The following HCRTR2 variants were observed in gnomAD, a reference collection of about 807,000 sequenced individuals.
The protein encoded by HCRTR2 is hypocretin receptor 2.
HCRTR2 carries 22 observed loss-of-function variants against 49.0 expected under a neutral mutation model. The ratio of observed to expected loss-of-function variants is 0.45; its 90% CI spans 0.32 to 0.64. The LOEUF (loss-of-function observed/expected upper bound fraction) is 0.64. HCRTR2 is among the 30% of genes least tolerant of loss of function. The pLI is 0.04. For missense variants in HCRTR2, 491 were observed against 559.4 expected (o/e 0.88, Z 1.23); for synonymous variants, 236 against 205.3 (o/e 1.15, Z -1.28).
intron 1 of HCRTR2, among the ~76,000 whole-genome samples, chr6:55,215,418 G>A (rs1265869236): frequency 1.3e-5 from 2 of 152,094 alleles, no homozygotes; most frequent in Non-Finnish European, 2.9e-5. Context: ...TGCCTTACAA[G>A]AAATGCTAAA....
At chr6:55,153,351 G>T (rs1764687738) in intron 1 of HCRTR2, among the ~76,000 whole-genome samples, 1 of 151,946 alleles carries the variant, frequency 6.6e-6, no homozygotes, top group African/African-American at 2.4e-5. Context: ...ACACACCTAG[G>T]CTATAAGGTA....
intron 1 of HCRTR2, among the ~76,000 whole-genome samples, chr6:55,158,989 G>C (rs2127261456): frequency 6.6e-6 from 1 of 152,280 alleles, no homozygotes; most frequent in South Asian, 2.1e-4. Context: ...GTGGGTCTCT[G>C]ACCCCTGTGT....
chr6:55,254,864 A>T (rs183167658), intron 2 of HCRTR2, among the ~76,000 whole-genome samples: 2 of 152,226 alleles, frequency 1.3e-5, no homozygotes, highest in East Asian at 3.9e-4. Flanking sequence ...CATATTATAA[A>T]TTAAGACATT....
At chr6:55,120,434 A>T (rs2127236980) in intron 1 of HCRTR2, among the ~76,000 whole-genome samples, 1 of 152,116 alleles carries the variant, frequency 6.6e-6, no homozygotes, top group South Asian at 2.1e-4. Flanking sequence ...TAATTCCTTG[A>T]GCAGTGGTTT....
chr6:55,208,548 G>A (rs1765644997), intron 1 of HCRTR2, among the ~76,000 whole-genome samples: 1 of 151,800 alleles, frequency 6.6e-6, no homozygotes, highest in South Asian at 2.1e-4. Flanking sequence ...CCTCACTGAT[G>A]ATTAAATTTA....
intron 1 of HCRTR2, among the ~76,000 whole-genome samples, chr6:55,131,357 T>C (rs1764352834): frequency 6.6e-6 from 1 of 151,840 alleles, no homozygotes; most frequent in Non-Finnish European, 1.5e-5. Flanking sequence ...AAAACATTTA[T>C]TTCAAACATT....
chr6:55,259,307 T>G (rs1031427451), intron 3 of HCRTR2, among the ~76,000 whole-genome samples: 5 of 152,094 alleles, frequency 3.3e-5, no homozygotes, highest in African/African-American at 1.2e-4. Flanking sequence ...TATAAATATG[T>G]GTATAAGTCT....
chr6:55,212,147 A>G (rs895087594), intron 1 of HCRTR2, among the ~76,000 whole-genome samples: 3 of 152,214 alleles, frequency 2.0e-5, no homozygotes, highest in African/African-American at 7.2e-5. Flanking sequence ...GCGAAGATTG[A>G]GAATGAAAGA....
intron 3 of HCRTR2, among the ~76,000 whole-genome samples, chr6:55,262,553 T>C (rs1190741444): frequency 3.8e-5 from 5 of 131,696 alleles, no homozygotes; most frequent in African/African-American, 1.4e-4. Context: ...ATATAACTTA[T>C]TATATATTAT....
At chr6:55,121,568 T>A (rs943659286) in intron 1 of HCRTR2, among the ~76,000 whole-genome samples, 2 of 152,120 alleles carry the variant, frequency 1.3e-5, no homozygotes, top group Admixed American at 6.6e-5. Context: ...TTCCAGTTTT[T>A]CCCATTCAGT....
intron 1 of HCRTR2, among the ~76,000 whole-genome samples, chr6:55,150,322 A>C (rs9475177): frequency 0.41 from 59,973 of 145,306 alleles, 12,436 homozygotes; most frequent in Middle Eastern, 0.54. Flanking sequence ...CTTTCTTCTT[A>C]TTATTATTAT....
intron 1 of HCRTR2, among the ~76,000 whole-genome samples, chr6:55,150,376 G>T (rs545283432): frequency 1.2e-4 from 18 of 149,274 alleles, no homozygotes; most frequent in Non-Finnish European, 1.9e-4. Context: ...TACACTCTTT[G>T]CAAATATTTA....
At chr6:55,278,742 T>TATG in intron 5 of HCRTR2, among the ~76,000 whole-genome samples, 1 of 145,822 alleles carries the variant, frequency 6.9e-6, no homozygotes, top group Non-Finnish European at 1.5e-5. Context: ...TTATTATTAT[T>TATG]ATTATTATTA....
intron 1 of HCRTR2, among the ~76,000 whole-genome samples, chr6:55,144,352 G>C (rs1428197243): frequency 6.6e-6 from 1 of 151,940 alleles, no homozygotes; most frequent in Non-Finnish European, 1.5e-5. Flanking sequence ...CAGACCTCAA[G>C]TGATCCACCC....
chr6:55,241,129 C>G (rs867467299), intron 1 of HCRTR2, among the ~76,000 whole-genome samples: 2 of 121,104 alleles, frequency 1.7e-5, no homozygotes, highest in Admixed American at 9.5e-5. Flanking sequence ...CCCCTCCCCC[C>G]ACCCCACAAC....
intron 2 of HCRTR2, among the ~76,000 whole-genome samples, chr6:55,250,020 T>C (rs915957192): frequency 1.3e-5 from 2 of 152,126 alleles, no homozygotes; most frequent in African/African-American, 4.8e-5. Context: ...GCTTTTGGAA[T>C]GAAATGTTGC....
rs374779000 is a variant in HCRTR2 at position 55,260,879 on chromosome 6, C to T, written c.647-2828C>T. Among the ~76,000 whole-genome samples the T allele has an allele frequency of 3.8e-3, 580 of 152,246 alleles. 4 individuals are homozygous for T. The highest frequency in any genetic ancestry group is 0.013 in the African/African-American group (552 of 41,544). On this transcript the variant is annotated intron_variant, in intron 3 of 6. Coordinates refer to ENST00000370862, the MANE Select transcript of HCRTR2 (RefSeq NM_001384272.1). The stretch of plus-strand genomic sequence containing the variant: ...TCCTGACTGTAAACTGCTCTTATCA[C>T]AAATCTGATCACATAACCAAGCTTT...
chr6:55,240,357 CAAAAAAAAAAAAAAAAA>C (rs1167981530), intron 1 of HCRTR2, among the ~76,000 whole-genome samples: 24 of 46,006 alleles, frequency 5.2e-4, no homozygotes, highest in Non-Finnish European at 9.1e-4. Flanking sequence ...GACTCCAGCT[CAAAAAAAAAAAAAAAAA>C]AAAAAAAAAA....
chr6:55,124,189 T>C (rs1764242285), intron 1 of HCRTR2, among the ~76,000 whole-genome samples: 1 of 152,226 alleles, frequency 6.6e-6, no homozygotes, highest in Admixed American at 6.5e-5. Context: ...CTTCTCTAGT[T>C]CTTTTAATTT....
Sources: gnomAD v4.1 joint callset for allele counts (sites outside exome capture counted in the v4.1 genomes callset) on GRCh38, gnomAD v4.1.1 for gene constraint, MANE v1.5 for transcripts, NCBI Gene and HGNC (gene_info 2026-07-23, HGNC 2026-07-21) for gene names.